Variants in PCDHA1 observed in about 807,000 individuals in gnomAD.
The protein encoded by PCDHA1 is protocadherin alpha-1.
PCDHA1 carries 42 observed loss-of-function variants against 61.3 expected under a neutral mutation model. The ratio of observed to expected loss-of-function variants is 0.69; its 90% CI spans 0.54 to 0.89. The LOEUF (loss-of-function observed/expected upper bound fraction) is 0.89, where lower values mean the gene tolerates loss of function less well. Among genes scored for constraint, PCDHA1 ranks in the 40% least tolerant of loss-of-function variants. The pLI, the probability that PCDHA1 is intolerant of heterozygous loss-of-function variation, is 0.00. For missense variants in PCDHA1, 1,256 were observed against 1,235.3 expected (o/e 1.02, Z -0.25); for synonymous variants, 610 against 553.8 (o/e 1.10, Z -1.43).
At chr5:140,852,582 A>ATT (rs2150518947) in intron 1 of PCDHA1, 15,949 of 691,778 alleles carry the variant, frequency 0.023, 320 homozygotes, top group Middle Eastern at 0.03. Context: ...AGGCTTTTTT[A>ATT]TTTTTTTTTT....
chr5:140,873,097 A>G (rs578070341), intron 1 of PCDHA1, among the ~76,000 whole-genome samples: 173 of 152,330 alleles, frequency 1.1e-3, no homozygotes, highest in African/African-American at 4.0e-3. Context: ...GTATAGAGGC[A>G]TAACATACCA....
intron 3 of PCDHA1, among the ~76,000 whole-genome samples, chr5:140,986,748 A>G (rs2097211627): frequency 6.6e-6 from 1 of 152,220 alleles, no homozygotes; most frequent in Non-Finnish European, 1.5e-5. Flanking sequence ...GGGATCTGGG[A>G]CTAAACAGTG....
intron 1 of PCDHA1, chr5:140,857,404 T>C: frequency 1.3e-6 from 2 of 1,597,962 alleles, no homozygotes; most frequent in Non-Finnish European, 1.7e-6. Flanking sequence ...ACAACGCGCC[T>C]GCGTTCGCGC....
At chr5:140,927,760 A>G in intron 1 of PCDHA1, 1 of 1,614,206 alleles carries the variant, frequency 6.2e-7, no homozygotes, top group Non-Finnish European at 8.5e-7. Context: ...GCACCCTAAA[A>G]GTGGGGAGGT....
chr5:140,871,973 T>C (rs2053419799), intron 1 of PCDHA1, among the ~76,000 whole-genome samples: 1 of 152,254 alleles, frequency 6.6e-6, no homozygotes, highest in African/African-American at 2.4e-5. Context: ...CTTCCTATGA[T>C]GTCCAGGTTG....
At chr5:140,799,615 C>T (rs1200837729) in intron 1 of PCDHA1, among the ~76,000 whole-genome samples, 1 of 151,812 alleles carries the variant, frequency 6.6e-6, no homozygotes, top group Non-Finnish European at 1.5e-5. Context: ...ATTTATCTTG[C>T]TTGAAAAAGT....
intron 1 of PCDHA1, chr5:140,804,748 T>C: frequency 4.6e-6 from 1 of 215,850 alleles, no homozygotes; most frequent in Non-Finnish European, 9.1e-6. Context: ...TTTGGTTATC[T>C]CCTCTAGCAA....
At chr5:140,875,820 T>C (rs2055843364) in intron 1 of PCDHA1, 1 of 1,613,978 alleles carries the variant, frequency 6.2e-7, no homozygotes, top group African/African-American at 1.3e-5. Flanking sequence ...CGCTGCAGGT[T>C]TTCCATGTGG....
intron 1 of PCDHA1, among the ~76,000 whole-genome samples, chr5:140,925,358 C>A (rs1554202714): frequency 8.5e-5 from 13 of 152,094 alleles, no homozygotes; most frequent in Non-Finnish European, 1.9e-4. Flanking sequence ...GAATTTAGTG[C>A]TTCATAGTCA....
intron 1 of PCDHA1, among the ~76,000 whole-genome samples, chr5:140,899,650 T>C (rs1174353279): frequency 5.3e-5 from 8 of 152,192 alleles, no homozygotes; most frequent in African/African-American, 1.7e-4. Flanking sequence ...TCTTATTTGG[T>C]TGTGTCTCTG....
At chr5:140,809,313 G>A in intron 1 of PCDHA1, 1 of 1,614,116 alleles carries the variant, frequency 6.2e-7, no homozygotes, top group South Asian at 1.1e-5. Flanking sequence ...GCGGTGTCCA[G>A]CCTTTTGGTG....
intron 1 of PCDHA1, chr5:140,856,277 A>T: frequency 1.9e-6 from 3 of 1,598,280 alleles, no homozygotes; most frequent in Non-Finnish European, 2.6e-6. Flanking sequence ...TCTGGAGGTA[A>T]ATCTGCAGAA....
intron 1 of PCDHA1, among the ~76,000 whole-genome samples, chr5:140,911,247 A>G (rs2075389238): frequency 6.6e-6 from 1 of 152,124 alleles, no homozygotes; most frequent in Non-Finnish European, 1.5e-5. Context: ...AAAAAGTTTC[A>G]TCAGAATTTA....
chr5:140,804,026 C>T (rs907575728), intron 1 of PCDHA1: 7 of 196,024 alleles, frequency 3.6e-5, no homozygotes, highest in Admixed American at 2.2e-4. Flanking sequence ...TTTATGAGTT[C>T]ACCTAATGCT....
At chr5:140,929,492 G>A in intron 1 of PCDHA1, 1 of 1,062,164 alleles carries the variant, frequency 9.4e-7, no homozygotes, top group Non-Finnish European at 1.3e-6. Context: ...AGTATTAGAA[G>A]ATTGCCCTAG....
chr5:140,885,371 C>T (rs2153409645), intron 1 of PCDHA1, among the ~76,000 whole-genome samples: 1 of 152,182 alleles, frequency 6.6e-6, no homozygotes, highest in East Asian at 1.9e-4. Flanking sequence ...CTGAAAGTAC[C>T]TTTTGGCAGT....
chr5:140,897,052 C>G (rs2065858358), intron 1 of PCDHA1, among the ~76,000 whole-genome samples: 1 of 152,114 alleles, frequency 6.6e-6, no homozygotes, highest in Non-Finnish European at 1.5e-5. Context: ...ATTCTGCTGT[C>G]AAATACTATG....
chr5:140,909,585 T>C (rs1554193854), intron 1 of PCDHA1, among the ~76,000 whole-genome samples: 1 of 152,180 alleles, frequency 6.6e-6, no homozygotes, highest in Non-Finnish European at 1.5e-5. Context: ...GATATGTTTT[T>C]TGATTTACTA....
chr5:140,942,266 T>A (rs2093257794), intron 1 of PCDHA1, among the ~76,000 whole-genome samples: 1 of 152,134 alleles, frequency 6.6e-6, no homozygotes, highest in South Asian at 2.1e-4. Flanking sequence ...TATCTAAAGC[T>A]GGTAATGGTG....
Sources: allele counts gnomAD v4.1 joint callset (sites outside exome capture counted in the v4.1 genomes callset), GRCh38; gene constraint gnomAD v4.1.1; transcripts MANE v1.5; gene names NCBI Gene and HGNC (gene_info 2026-07-23, HGNC 2026-07-21).